The following ANKRD28 variants were observed in gnomAD, a reference collection of about 807,000 sequenced individuals.
The protein encoded by ANKRD28 is ankyrin repeat domain 28.
ANKRD28 carries 44 observed loss-of-function variants against 126.5 expected under a neutral mutation model. The observed-to-expected ratio is 0.35, with a 90% confidence interval of 0.27 to 0.45. ANKRD28 has a LOEUF of 0.45. Among genes scored for constraint, ANKRD28 ranks in the 20% least tolerant of loss-of-function variants. ANKRD28 has a pLI of 1.00. For synonymous variants in ANKRD28, 442 were observed against 468.5 expected, an observed-to-expected ratio of 0.94 and a Z score of 0.73; for missense variants, 1,110 against 1,316.6, an observed-to-expected ratio of 0.84 and a Z score of 2.43.
At chr3:15,683,382 T>C (rs972301699) in intron 21 of ANKRD28, among the ~76,000 whole-genome samples, 3 of 152,188 alleles carry the variant, frequency 2.0e-5, no homozygotes, top group African/African-American at 7.2e-5. Flanking sequence ...AAATACAGTA[T>C]CTTCTTTGTT....
Position 15,839,091 on chromosome 3 carries a change from G to C in ANKRD28, c.27+20286C>G, listed in dbSNP as rs909335516. 3.3e-5 allele frequency among the ~76,000 whole-genome samples: 5 copies of C among 152,252 alleles called. No homozygotes were observed. The East Asian group carries it at 7.7e-4, about 23-fold the overall frequency. On this transcript the variant is annotated intron_variant, in intron 1 of 27. Coordinates refer to the ANKRD28 transcript ENST00000399451. This position sits in a 1 kb window ranked among gnomAD's most constrained non-coding sequence, Gnocchi z 4.3. ...TAAAACCATTATTCAATGGTGGCCTGGGGCTGGAGGTGGGACTAGGAGTAA... is the reference window on the plus strand; with the variant it reads ...TAAAACCATTATTCAATGGTGGCCTCGGGCTGGAGGTGGGACTAGGAGTAA...
intron 23 of ANKRD28, 128 bp from the exon 24 acceptor site, chr3:15,678,482 CACAA>C (rs1161961981): frequency 1.3e-6 from 1 of 771,178 alleles, no homozygotes; most frequent in East Asian, 2.9e-5. Flanking sequence ...ACTGCCTGTA[CACAA>C]ACAAATAGGC....
chr3:15,759,683 A>G (rs960492237), intron 3 of ANKRD28, among the ~76,000 whole-genome samples: 3 of 152,228 alleles, frequency 2.0e-5, no homozygotes, highest in African/African-American at 7.2e-5. Flanking sequence ...CAATAAGGAA[A>G]CAGTTACAAC....
chr3:15,762,851 C>A (rs1256375881), intron 3 of ANKRD28, among the ~76,000 whole-genome samples: 1 of 152,102 alleles, frequency 6.6e-6, no homozygotes, highest in South Asian at 2.1e-4. Flanking sequence ...CTTCTTTAAG[C>A]CTATAAATTT....
chr3:15,685,500 C>G, intron 20 of ANKRD28, 55 bp from the exon 21 acceptor site: 1 of 1,530,506 alleles, frequency 6.5e-7, no homozygotes, highest in Non-Finnish European at 9.0e-7. Flanking sequence ...CATTACATGC[C>G]AATTTCAGCT....
chr3:15,806,224 G>A (rs994605878), intron 1 of ANKRD28, among the ~76,000 whole-genome samples: 1 of 152,174 alleles, frequency 6.6e-6, no homozygotes, highest in African/African-American at 2.4e-5. Context: ...TGTTAATTCA[G>A]AGTAAAACGA....
rs2126094715 is a variant in ANKRD28, at chr3:15,714,422, T to C, written c.1075+156A>G. The stretch of plus-strand genomic sequence containing the variant: ...GATACAGCTACGTGGTATTTTATAC[T>C]CTTTAATATTTTATTTTCATGAGCT... On this transcript the variant is annotated intron_variant, in intron 9 of 27. Coordinates refer to ENST00000683139, the MANE Select transcript of ANKRD28 (RefSeq NM_001349278.2). 2.6e-5 allele frequency among the ~76,000 whole-genome samples: 4 copies of C among 151,800 alleles called. No homozygotes were observed. The South Asian group carries it at 8.3e-4, about 32-fold the overall frequency.
intron 4 of ANKRD28, among the ~76,000 whole-genome samples, chr3:15,746,846 AT>A (rs1208058750): frequency 6.6e-6 from 1 of 152,170 alleles, no homozygotes; most frequent in Non-Finnish European, 1.5e-5. Context: ...TTTGCTGGCA[AT>A]TTTTAAAATT....
chr3:15,764,552 AC>A (rs1252466145), intron 3 of ANKRD28, among the ~76,000 whole-genome samples: 13 of 149,056 alleles, frequency 8.7e-5, no homozygotes, highest in African/African-American at 3.2e-4. Context: ...AAAAAAAAAA[AC>A]AAACCCTCCA....
chr3:15,812,189 C>T lies in ANKRD28; in HGVS notation c.28-16883G>A, dbSNP rs2125887564. Among the ~76,000 whole-genome samples, 1 of 152,028 alleles carries T rather than the reference C, an allele frequency of 6.6e-6. No homozygotes were observed. Among genetic ancestry groups the T allele is most frequent in the East Asian group, 1.9e-4 (1 of 5,152 alleles). On this transcript the variant is annotated intron_variant, in intron 1 of 27. Coordinates refer to the ANKRD28 transcript ENST00000399451. This position sits in a 1 kb window ranked among gnomAD's most constrained non-coding sequence, Gnocchi z 4.1. ...CAAAACAAAACGAAACCCAAAACAA[C>T]AATAAAATGTTTCTAAGATGATAAT...
intron 4 of ANKRD28, among the ~76,000 whole-genome samples, chr3:15,743,267 CTTGT>C (rs1168248902): frequency 1.3e-5 from 2 of 152,148 alleles, no homozygotes; most frequent in African/African-American, 2.4e-5. Context: ...CCTTTGTTCA[CTTGT>C]TTATCTGCTG....
At chr3:15,806,093 T>C (rs1451004965) in intron 1 of ANKRD28, among the ~76,000 whole-genome samples, 2 of 152,246 alleles carry the variant, frequency 1.3e-5, no homozygotes, top group Admixed American at 6.5e-5. Context: ...TAATTTTACA[T>C]AGCACCTTCT....
chr3:15,667,992 GC>G lies in ANKRD28; in HGVS notation c.*2277del, dbSNP rs2066069723. On this transcript the variant is annotated 3_prime_UTR_variant, in exon 28 of 28. Coordinates refer to ENST00000683139, the MANE Select transcript of ANKRD28 (RefSeq NM_001349278.2). ...AACAGCCTGTAAAAGAGAAGACATG[GC>G]AGAATGTGCGAGATTCATCCTTCCA... is the stretch of plus-strand genomic sequence containing the variant. 1 of 152,174 alleles carries G rather than the reference GC, an allele frequency of 6.6e-6. No individual in the cohort carries two copies. The highest frequency in any genetic ancestry group is 2.4e-5 in the African/African-American group (1 of 41,432). The allele number at this position is 152,174 out of a possible 1,614,324, so 9.4% of individuals were successfully genotyped here.
At position 15,816,655 on chromosome 3, in the gene ANKRD28, TAACA is replaced by T. The variant is rs1231772578; in HGVS notation, c.28-21353_28-21350del. On this transcript the variant is annotated intron_variant, in intron 1 of 27. Coordinates refer to the ANKRD28 transcript ENST00000399451. The surrounding 1 kb of genome is among the most constrained non-coding windows in gnomAD (Gnocchi z 5.0). ...ACTATTTAACCCACTAGATGCTAAC[TAACA>T]AACATTTAAGTTACATGAAACTGAA... Among the ~76,000 whole-genome samples, 3 of 152,196 alleles carry T rather than the reference TAACA, an allele frequency of 2.0e-5. No homozygotes were observed. Among genetic ancestry groups the T allele is most frequent in the African/African-American group, 7.2e-5 (3 of 41,448 alleles).
chr3:15,789,409 C>T (rs1003988830), intron 2 of ANKRD28, among the ~76,000 whole-genome samples: 1 of 151,410 alleles, frequency 6.6e-6, no homozygotes, highest in Non-Finnish European at 1.5e-5. Context: ...TTTGTGGGGA[C>T]TTTCGAAGAG....
At chr3:15,818,888 A>G (rs1374773459) in intron 1 of ANKRD28, among the ~76,000 whole-genome samples, 1 of 152,222 alleles carries the variant, frequency 6.6e-6, no homozygotes, top group Non-Finnish European at 1.5e-5. Context: ...GTAGAAATCA[A>G]TAAACTGATG....
intron 1 of ANKRD28, among the ~76,000 whole-genome samples, chr3:15,851,544 AAAATAAATAAATAAATAAATAAAT>A (rs141544673): frequency 1.9e-4 from 27 of 145,652 alleles, no homozygotes; most frequent in South Asian, 4.5e-4. Flanking sequence ...ACTCTGTGTC[AAAATAAATAAATAAATAAATAAAT>A]AAATAAATAA....
chr3:15,721,168 G>C, intron 7 of ANKRD28, 41 bp from the exon 8 acceptor site: 1 of 1,553,740 alleles, frequency 6.4e-7, no homozygotes, highest in Non-Finnish European at 8.8e-7. Flanking sequence ...AAGTAGTTTT[G>C]CTAATTATCA....
intron 5 of ANKRD28, 102 bp downstream of exon 5, chr3:15,736,927 GATAA>G (rs1222886249): frequency 5.1e-5 from 59 of 1,167,766 alleles, no homozygotes; most frequent in Non-Finnish European, 6.6e-5. Context: ...AAATGAGAAA[GATAA>G]ATAGTTCTGT....
Sources: allele counts gnomAD v4.1 joint callset (sites outside exome capture counted in the v4.1 genomes callset), GRCh38; gene constraint gnomAD v4.1.1; non-coding constraint Gnocchi (gnomAD v3.1); transcripts MANE v1.5; gene names NCBI Gene and HGNC (gene_info 2026-07-23, HGNC 2026-07-21).